PLXNA2: variants seen among roughly 807,000 people sequenced by gnomAD.
The protein encoded by PLXNA2 is plexin-A2.
In PLXNA2, 91 loss-of-function variants were observed where a neutral mutation model predicts 193.5. The observed-to-expected ratio is 0.47, with a 90% CI of 0.40 to 0.56. The LOEUF (loss-of-function observed/expected upper bound fraction) is 0.56. Among genes scored for constraint, PLXNA2 ranks in the 20% least tolerant of loss-of-function variants. The pLI is 0.00. For missense variants in PLXNA2, 1,995 were observed against 2,503.2 expected (o/e 0.80, Z 4.33); for synonymous variants, 997 against 1,027.3 (o/e 0.97, Z 0.56).
intron 3 of PLXNA2, among the ~76,000 whole-genome samples, chr1:208,190,237 G>A (rs948129175): frequency 2.6e-4 from 40 of 152,126 alleles, no homozygotes; most frequent in Non-Finnish European, 5.9e-5. Flanking sequence ...CTTACGTCAT[G>A]TTTTCTCCTT....
chr1:208,055,868 T>G (rs1665414489), intron 13 of PLXNA2, among the ~76,000 whole-genome samples: 2 of 152,234 alleles, frequency 1.3e-5, no homozygotes, highest in Non-Finnish European at 2.9e-5. Flanking sequence ...GAATATTTAC[T>G]TAACATGCAA....
intron 20 of PLXNA2, 25 bp from the exon 21 acceptor site, chr1:208,043,228 G>T (rs969101480): frequency 1.2e-6 from 2 of 1,605,700 alleles, no homozygotes; most frequent in Non-Finnish European, 1.7e-6. Context: ...AGACGGAGAG[G>T]CTCGTGGGGA....
chr1:208,134,711 G>A (rs911848617), intron 4 of PLXNA2, among the ~76,000 whole-genome samples: 18 of 151,998 alleles, frequency 1.2e-4, no homozygotes, highest in Admixed American at 8.5e-4. Flanking sequence ...GTCCTTGCCC[G>A]CCTTGTAAAA....
intron 3 of PLXNA2, among the ~76,000 whole-genome samples, chr1:208,187,755 A>G (rs1670053709): frequency 6.6e-6 from 1 of 152,180 alleles, no homozygotes; most frequent in Non-Finnish European, 1.5e-5. Flanking sequence ...CAGGCCATGT[A>G]CTTGCGGGAT....
At chr1:208,203,531 G>A (rs1670618163) in intron 3 of PLXNA2, among the ~76,000 whole-genome samples, 1 of 152,166 alleles carries the variant, frequency 6.6e-6, no homozygotes, top group African/African-American at 2.4e-5. Flanking sequence ...GGAATGAGTG[G>A]CTATTGTTTG....
At chr1:208,145,592 T>C (rs994104414) in intron 3 of PLXNA2, among the ~76,000 whole-genome samples, 4 of 152,206 alleles carry the variant, frequency 2.6e-5, no homozygotes, top group Non-Finnish European at 4.4e-5. Context: ...AATGCCATGG[T>C]GAGGGCCCTT....
intron 11 of PLXNA2, among the ~76,000 whole-genome samples, 191 bp from the exon 12 acceptor site, chr1:208,079,641 AG>A (rs1309911316): frequency 1.3e-5 from 2 of 152,236 alleles, no homozygotes; most frequent in Non-Finnish European, 2.9e-5. Flanking sequence ...TAAGGGCACT[AG>A]GAAGAATAAT....
intron 1 of PLXNA2, among the ~76,000 whole-genome samples, chr1:208,235,998 T>C (rs990003845): frequency 2.0e-5 from 3 of 151,998 alleles, no homozygotes; most frequent in Admixed American, 6.6e-5. Flanking sequence ...TGTTAGAAAG[T>C]TTTAAGCAGC....
intron 3 of PLXNA2, among the ~76,000 whole-genome samples, chr1:208,160,217 C>G (rs913282295): frequency 6.6e-6 from 1 of 152,196 alleles, no homozygotes; most frequent in African/African-American, 2.4e-5. Flanking sequence ...AGTACAACCC[C>G]CCCCGCCCAG....
chr1:208,044,573 G>A lies in PLXNA2; in HGVS notation c.3809C>T (p.Thr1270Ile). The A allele has an allele frequency of 6.2e-7, 1 of 1,614,172 alleles. No individual in the cohort carries two copies. The highest frequency in any genetic ancestry group is 8.5e-7 in the Non-Finnish European group (1 of 1,180,024). The change falls in exon 20 of 32, where the codon ACT becomes ATT. Residue 1270 changes from threonine to isoleucine, a missense_variant. Physicochemically the swap from Thr to Ile is moderately conservative, Grantham distance 89. Around this residue, in one of 3 missense-constraint regions of PLXNA2, gnomAD observed 1,291 missense variants for 1,673.6 expected, o/e 0.77. Transcript: ENST00000367033. The surrounding 1 kb of genome is among the most constrained non-coding windows in gnomAD (Gnocchi z 4.9). Reference sequence around the variant, plus strand: ...CATCTGCATTTGCAGCCGCTTGAGAGTGAGGTCATTTTCTCGAGACTTGCG... The same window carrying A: ...CATCTGCATTTGCAGCCGCTTGAGAATGAGGTCATTTTCTCGAGACTTGCG... ...YKRKSRENDL[T>I]LKRLQMQMDN... is the part of the protein sequence containing the mutation.
In PLXNA2 at chr1:208,177,379, T is replaced by C. The variant is rs536693613; in HGVS notation, c.1371+32901A>G. Among the ~76,000 whole-genome samples the C allele has an allele frequency of 3.3e-5, 5 of 152,306 alleles. 1 individual carries two copies. The highest frequency in any genetic ancestry group is 1.2e-4 in the African/African-American group (5 of 41,588). On this transcript the variant is annotated intron_variant, in intron 3 of 31. Coordinates refer to ENST00000367033, the MANE Select transcript of PLXNA2 (RefSeq NM_025179.4). ...CCTACTCCACCTCTGATCAGCTGTG[T>C]AACCTTCAAATCTCTGTGTCTCTGT...
At chr1:208,152,185 C>T (rs936425303) in intron 3 of PLXNA2, among the ~76,000 whole-genome samples, 1 of 152,194 alleles carries the variant, frequency 6.6e-6, no homozygotes, top group Non-Finnish European at 1.5e-5. Context: ...GAAGGGAGGT[C>T]GAGAGCGCTA....
rs566829925 is a variant in PLXNA2, at chr1:208,124,717, C to T, written c.1506+17612G>A. Among the ~76,000 whole-genome samples, 10 of 150,778 alleles carry T rather than the reference C, an allele frequency of 6.6e-5. No homozygotes were observed. The South Asian group carries it at 1.9e-3, about 29-fold the overall frequency. On this transcript the variant is annotated intron_variant, in intron 4 of 31. Coordinates refer to ENST00000367033, the MANE Select transcript of PLXNA2 (RefSeq NM_025179.4). ...AAAAAAAAAAAAGAACCAGAGATAC[C>T]CTATGTTTTAGGCAAGCCCAACTAA...
intron 4 of PLXNA2, among the ~76,000 whole-genome samples, chr1:208,106,534 C>A (rs890708276): frequency 1.6e-4 from 24 of 152,200 alleles, no homozygotes; most frequent in Admixed American, 1.6e-3. Context: ...ACAATAGCCA[C>A]TAGCTTCATG....
At chr1:208,186,711 T>TTGTTTTTTGTTTTTTGTTTTG (rs1558234624) in intron 3 of PLXNA2, among the ~76,000 whole-genome samples, 3 of 97,692 alleles carry the variant, frequency 3.1e-5, no homozygotes, top group Non-Finnish European at 6.1e-5. Context: ...CAATGTTATT[T>TTGTTTTTTGTTTTTTGTTTTG]TATTTTTTTT....
intron 8 of PLXNA2, among the ~76,000 whole-genome samples, chr1:208,095,794 G>A (rs908827393): frequency 5.9e-5 from 9 of 152,134 alleles, no homozygotes; most frequent in Non-Finnish European, 1.2e-4. Flanking sequence ...TTGGGGGTTA[G>A]GTGTGTTGGG....
chr1:208,197,427 T>C (rs1670396811), intron 3 of PLXNA2, among the ~76,000 whole-genome samples: 1 of 152,038 alleles, frequency 6.6e-6, no homozygotes, highest in African/African-American at 2.4e-5. Flanking sequence ...AGAGACCGGG[T>C]TTCCCCGTGA....
intron 9 of PLXNA2, among the ~76,000 whole-genome samples, chr1:208,092,103 C>T (rs934963182): frequency 1.3e-5 from 2 of 152,102 alleles, no homozygotes; most frequent in Non-Finnish European, 2.9e-5. Context: ...CTGAGACATG[C>T]TATGAATATA....
intron 12 of PLXNA2, among the ~76,000 whole-genome samples, chr1:208,070,465 G>A (rs973984590): frequency 1.3e-5 from 2 of 152,186 alleles, no homozygotes; most frequent in African/African-American, 4.8e-5. Flanking sequence ...CTGGGATTGG[G>A]GACTACTGGC....
Sources: gnomAD v4.1 joint callset for allele counts (sites outside exome capture counted in the v4.1 genomes callset) on GRCh38, gnomAD v4.1.1 for gene constraint, gnomAD v4.1.1 regional missense constraint, Gnocchi (gnomAD v3.1) non-coding constraint, MANE v1.5 for transcripts, NCBI Gene and HGNC (gene_info 2026-07-23, HGNC 2026-07-21) for gene names.